ZNF616: variants seen among roughly 807,000 people sequenced by gnomAD.
ZNF616 encodes zinc finger protein 616.
A neutral mutation model predicts 7.6 loss-of-function variants in ZNF616; 5 were observed. The observed-to-expected ratio is 0.66, with a 90% confidence interval of 0.34 to 1.38. The LOEUF is 1.38. ZNF616 is among the 40% of genes most tolerant of loss of function. The probability of loss-of-function intolerance (pLI) is 0.04; values close to 1 mark genes in which losing one functional copy is unlikely to be tolerated. For synonymous variants in ZNF616, 319 were observed against 317.2 expected, an observed-to-expected ratio of 1.01 and a Z score of -0.06; for missense variants, 913 against 948.3, an observed-to-expected ratio of 0.96 and a Z score of 0.49.
intron 3 of ZNF616, among the ~76,000 whole-genome samples, chr19:52,120,674 A>G (rs898005835): frequency 6.6e-6 from 1 of 152,248 alleles, no homozygotes; most frequent in Admixed American, 6.5e-5. Context: ...CTAAACTGGT[A>G]TCAGTCAAAA....
At position 52,114,621 on chromosome 19, in the gene ZNF616, C is replaced by T. The variant is rs1279990447; in HGVS notation, c.*197G>A. 5 of 602,028 alleles carry T rather than the reference C, an allele frequency of 8.3e-6. No homozygotes were observed. The South Asian group carries it at 1.0e-4, about 12-fold the overall frequency. 37.3% of individuals were successfully genotyped at this position (602,028 alleles called of 1,614,324 possible). On this transcript the variant is annotated 3_prime_UTR_variant, in exon 4 of 4. Coordinates refer to ENST00000600228, the MANE Select transcript of ZNF616 (RefSeq NM_178523.5). ...AGACCTCAAGAGAAGTCACTATTGCCAGGACAGCACCAAGGGGATGACGCT... is the reference window on the plus strand; with the variant it reads ...AGACCTCAAGAGAAGTCACTATTGCTAGGACAGCACCAAGGGGATGACGCT...
In ZNF616 at chr19:52,116,108, T is replaced by C. The variant is rs780439343; in HGVS notation, c.1056A>G (p.Pro352=). ...CCTTGCCACATACATCACATTTATA[T>C]GGTTTCTTTCCTGCATGGATTACCT... ...VHQVIHAGKK[P]YKCDVCGKAF... Residue 352 remains proline, a synonymous_variant, in exon 4 of 4, where the codon CCA becomes CCG. Coordinates refer to ENST00000600228, the MANE Select transcript of ZNF616 (RefSeq NM_178523.5). 1.9e-6 allele frequency: 3 copies of C among 1,614,084 alleles called. No homozygotes were observed. The highest frequency in any genetic ancestry group is 2.5e-6 in the Non-Finnish European group (3 of 1,180,050).
rs573622156 is a variant in ZNF616, at chr19:52,128,656, C to T, written c.12+1845G>A. Among the ~76,000 whole-genome samples the T allele has an allele frequency of 1.3e-4, 19 of 151,406 alleles. No homozygotes were observed. The East Asian group carries it at 1.4e-3, about 11-fold the overall frequency. ...ACTCAAGAGGCTTAGGCAGAAGAAT[C>T]GCTTGAACCTGGGAGGCGGAGGCTG... On this transcript the variant is annotated intron_variant, in intron 2 of 3. Coordinates refer to ENST00000600228, the MANE Select transcript of ZNF616 (RefSeq NM_178523.5).
At chr19:52,123,343 C>T (rs1216487104) in intron 3 of ZNF616, among the ~76,000 whole-genome samples, 2 of 151,888 alleles carry the variant, frequency 1.3e-5, no homozygotes, top group African/African-American at 2.4e-5. Flanking sequence ...GAGGCTGAGG[C>T]GGGTGGATCA....
chr19:52,137,834 C>G (rs2089026224), intron 1 of ZNF616, among the ~76,000 whole-genome samples: 2 of 152,074 alleles, frequency 1.3e-5, no homozygotes, highest in African/African-American at 2.4e-5. Flanking sequence ...AGGATGACAT[C>G]AAATCTTATT....
At chr19:52,134,115 C>A (rs1003482252) in intron 1 of ZNF616, among the ~76,000 whole-genome samples, 1 of 152,064 alleles carries the variant, frequency 6.6e-6, no homozygotes, top group African/African-American at 2.4e-5. Context: ...CCAGACCAAG[C>A]CAGAATGAAG....
chr19:52,127,555 G>C lies in ZNF616; in HGVS notation c.12+2946C>G, dbSNP rs368991796. Among the ~76,000 whole-genome samples, 345 of 152,134 alleles carry C rather than the reference G, an allele frequency of 2.3e-3. 2 individuals are homozygous for C. Among genetic ancestry groups the C allele is most frequent in the African/African-American group, 7.9e-3 (326 of 41,502 alleles). On this transcript the variant is annotated intron_variant, in intron 2 of 3. Transcript: ENST00000600228. Reference sequence around the variant, plus strand: ...AAAGATTCAAGCAAATAAAATGTAAGCAACAAAATATTAGATCTTAAAAAA... The same window carrying C: ...AAAGATTCAAGCAAATAAAATGTAACCAACAAAATATTAGATCTTAAAAAA...
chr19:52,137,124 A>T (rs1227056555), intron 1 of ZNF616, among the ~76,000 whole-genome samples: 1 of 151,148 alleles, frequency 6.6e-6, no homozygotes, highest in Non-Finnish European at 1.5e-5. Flanking sequence ...TTCAACCATA[A>T]AAAAGAAAAT....
intron 3 of ZNF616, among the ~76,000 whole-genome samples, chr19:52,122,715 A>C (rs1040144926): frequency 6.6e-6 from 1 of 151,000 alleles, no homozygotes; most frequent in Non-Finnish European, 1.5e-5. Context: ...GCTCACTGCA[A>C]GCTCCGCCTC....
Position 52,114,086 on chromosome 19 carries a change from T to C in ZNF616, c.*732A>G, listed in dbSNP as rs2088793338. 1 of 152,202 alleles carries C rather than the reference T, an allele frequency of 6.6e-6. No individual in the cohort carries two copies. The highest frequency in any genetic ancestry group is 6.5e-5 in the Admixed American group (1 of 15,280). The allele number at this position is 152,202 out of a possible 1,614,324, so 9.4% of individuals were successfully genotyped here. A position where few individuals can be genotyped will look rare whatever the true frequency, so the allele number is the denominator to read the frequency against. On this transcript the variant is annotated 3_prime_UTR_variant, in exon 4 of 4. Coordinates refer to ENST00000600228, the MANE Select transcript of ZNF616 (RefSeq NM_178523.5). ...CTCTGACACATACATTTATATGATT[T>C]CCTTTCAGTATAAACTCTCTTATGA...
chr19:52,119,863 A>AT (rs1209925571), intron 3 of ZNF616, among the ~76,000 whole-genome samples: 1 of 152,188 alleles, frequency 6.6e-6, no homozygotes, highest in Admixed American at 6.6e-5. Flanking sequence ...CATGAGTTAT[A>AT]TTTCCAGGCA....
intron 3 of ZNF616, among the ~76,000 whole-genome samples, chr19:52,120,989 G>C (rs79839752): frequency 1.3e-5 from 2 of 152,152 alleles, no homozygotes; most frequent in Non-Finnish European, 2.9e-5. Context: ...AAAACAGCAC[G>C]AAAGAATTTT....
At position 52,116,085 on chromosome 19, in the gene ZNF616, T is replaced by C; in HGVS notation, c.1079A>G (p.Lys360Arg). ...KKPYKCDVCG[K>R]AFRHRSNLVC... Reference sequence around the variant, plus strand: ...AAGATTTGATCTATGTCTGAATGCCTTGCCACATACATCACATTTATATGG... The same window carrying C: ...AAGATTTGATCTATGTCTGAATGCCCTGCCACATACATCACATTTATATGG... The change falls in exon 4 of 4, where the codon AAG becomes AGG. Residue 360 changes from lysine (K) to arginine (R), a missense_variant. Lys to Arg is a conservative substitution (Grantham distance 26). Transcript: ENST00000600228. The C allele has an allele frequency of 1.9e-6, 3 of 1,614,230 alleles. No homozygotes were observed. Among genetic ancestry groups the C allele is most frequent in the Middle Eastern group, 1.6e-4 (1 of 6,062 alleles).
chr19:52,118,547 G>A (rs538318850), intron 3 of ZNF616, among the ~76,000 whole-genome samples: 2 of 152,228 alleles, frequency 1.3e-5, no homozygotes, highest in South Asian at 2.1e-4. Context: ...ATGGTAAACC[G>A]GAAAAAGGGC....
In ZNF616 at chr19:52,116,556, T is replaced by G; in HGVS notation, c.608A>C (p.His203Pro). 2 of 1,614,134 alleles carry G rather than the reference T, an allele frequency of 1.2e-6. No individual in the cohort carries two copies. Among genetic ancestry groups the G allele is most frequent in the Non-Finnish European group, 1.7e-6 (2 of 1,180,004 alleles). Residue 203 changes from histidine to proline, a missense_variant, in exon 4 of 4, where the codon CAT (histidine) becomes CCT (proline). Transcript: ENST00000600228. ...TTTCTCTGTAGTATGTATCCTCTGA[T>G]GATTAATAAGGCTGGAAGACGCTTT... ...AFKASSSLIN[H>P]QRIHTTEKPY...
intron 1 of ZNF616, chr19:52,138,616 C>T (rs762838085): frequency 1.3e-5 from 2 of 152,108 alleles, no homozygotes; most frequent in Non-Finnish European, 2.9e-5. Flanking sequence ...ATTTATTTCA[C>T]CTCTTGTTGC....
chr19:52,135,434 T>C (rs1600129783), intron 1 of ZNF616, among the ~76,000 whole-genome samples: 2 of 152,198 alleles, frequency 1.3e-5, no homozygotes, highest in East Asian at 1.9e-4. Context: ...ACTCTCCATA[T>C]TGACATTTAG....
chr19:52,119,577 A>AAAGGGC (rs1343237570), intron 3 of ZNF616, among the ~76,000 whole-genome samples: 1 of 152,036 alleles, frequency 6.6e-6, no homozygotes, highest in Admixed American at 6.6e-5. Flanking sequence ...AGGCAAGAGG[A>AAAGGGC]AAGGGCAAGG....
chr19:52,121,637 G>A (rs1380702207), intron 3 of ZNF616, among the ~76,000 whole-genome samples: 2 of 152,102 alleles, frequency 1.3e-5, no homozygotes, highest in Non-Finnish European at 2.9e-5. Context: ...GAATGGAATA[G>A]GAAACCCAGA....
Sources: allele counts gnomAD v4.1 joint callset (sites outside exome capture counted in the v4.1 genomes callset), GRCh38; gene constraint gnomAD v4.1.1; transcripts MANE v1.5; gene names NCBI Gene and HGNC (gene_info 2026-07-23, HGNC 2026-07-21).